The following PPP1R21 variants were observed in gnomAD, a reference collection of about 807,000 sequenced individuals.
PPP1R21 encodes the protein KLRAQ motif containing 1.
Under a neutral mutation model 112.8 loss-of-function variants are expected in PPP1R21, and 85 were observed. The observed-to-expected ratio is 0.75, with a 90% CI of 0.63 to 0.90. The LOEUF (loss-of-function observed/expected upper bound fraction) is 0.90. Ranked by LOEUF, PPP1R21 falls within the 40% of genes least tolerant of loss-of-function variation. PPP1R21 has a pLI of 0.00. For missense variants in PPP1R21, 1,199 were observed against 901.5 expected (o/e 1.33, Z -4.23); for synonymous variants, 381 against 322.3 (o/e 1.18, Z -1.95).
At chr2:48,467,500 G>C (rs1217992134) in intron 9 of PPP1R21, among the ~76,000 whole-genome samples, 1 of 152,206 alleles carries the variant, frequency 6.6e-6, no homozygotes, top group Non-Finnish European at 1.5e-5. Flanking sequence ...TAAGGTTTCA[G>C]TCAGGATGTC....
intron 7 of PPP1R21, among the ~76,000 whole-genome samples, chr2:48,462,859 G>A (rs1572844435): frequency 6.6e-6 from 1 of 152,164 alleles, no homozygotes; most frequent in Non-Finnish European, 1.5e-5. Context: ...GATAGTTTTG[G>A]CGTACTATTG....
At chr2:48,501,890 G>A (rs957010637) in intron 17 of PPP1R21, 4 of 151,774 alleles carry the variant, frequency 2.6e-5, no homozygotes, top group South Asian at 2.1e-4. Flanking sequence ...TGGTAACACT[G>A]GCATATATAT....
chr2:48,503,179 A>G (rs959042783), intron 17 of PPP1R21, among the ~76,000 whole-genome samples: 1 of 152,240 alleles, frequency 6.6e-6, no homozygotes, highest in East Asian at 1.9e-4. Flanking sequence ...TTAAATTAAT[A>G]GAATTTTTAA....
At chr2:48,461,049 C>T in intron 6 of PPP1R21, 89 bp from the exon 7 acceptor site, 2 of 1,489,382 alleles carry the variant, frequency 1.3e-6, no homozygotes, top group Non-Finnish European at 1.8e-6. Context: ...TCTCTGGAAG[C>T]CTACTACCAG....
chr2:48,475,674 C>G (rs1668720700), intron 12 of PPP1R21, among the ~76,000 whole-genome samples: 1 of 152,008 alleles, frequency 6.6e-6, no homozygotes, highest in African/African-American at 2.4e-5. Flanking sequence ...ATGGAGAAAC[C>G]TCATCTCTAC....
chr2:48,487,290 G>A (rs76435603), intron 14 of PPP1R21, among the ~76,000 whole-genome samples: 13,226 of 152,068 alleles, frequency 0.087, 669 homozygotes, highest in Non-Finnish European at 0.11. Flanking sequence ...GTTTTTGTAT[G>A]TTTCTTTTTT....
In PPP1R21 at chr2:48,458,188, G is replaced by A. The variant is rs781729994; in HGVS notation, c.336G>A (p.Leu112=). 3.1e-6 allele frequency: 5 copies of A among 1,611,960 alleles called. No homozygotes were observed. Among genetic ancestry groups the A allele is most frequent in the South Asian group, 1.1e-5 (1 of 90,996 alleles). The part of the protein sequence containing the change: ...QEQKSVFDED[L]QKKIEENERL... ...AGAAGAGTGTCTTTGATGAAGATCTGCAAAAGAAGATAGAAGAGAATGAAC... is the reference window on the plus strand; with the variant it reads ...AGAAGAGTGTCTTTGATGAAGATCTACAAAAGAAGATAGAAGAGAATGAAC... The change falls in exon 4 of 22, where the codon CTG becomes CTA. Residue 112 remains leucine, a synonymous_variant. Transcript: ENST00000294952.
intron 2 of PPP1R21, 91 bp from the exon 3 acceptor site, chr2:48,454,504 T>G: frequency 6.8e-7 from 1 of 1,473,418 alleles, no homozygotes; most frequent in Non-Finnish European, 9.3e-7. Flanking sequence ...AGGTTTTGAT[T>G]ATATTTTGGT....
Position 48,515,248 on chromosome 2 carries a change from T to TCTCTCTCTCTCTCTCTCTCTCTCTC in PPP1R21, c.*506_*507insCTCTCTCTCTCTCTCTCTCTCTCCT, listed in dbSNP as rs1247831452. 1 of 25,096 alleles carries TCTCTCTCTCTCTCTCTCTCTCTCTC rather than the reference T, an allele frequency of 4.0e-5. No individual in the cohort carries two copies. Among genetic ancestry groups the TCTCTCTCTCTCTCTCTCTCTCTCTC allele is most frequent in the Non-Finnish European group, 8.5e-5 (1 of 11,768 alleles). 1.6% of individuals were successfully genotyped at this position (25,096 alleles called of 1,614,324 possible). A position where few individuals can be genotyped will look rare whatever the true frequency, so the allele number is the denominator to read the frequency against. ...TCTCTCTCTCTCTCTCTCTCTCTCT[T>TCTCTCTCTCTCTCTCTCTCTCTCTC]CTTTCTCTCTGAGGGAGAGGGAGCC... On this transcript the variant is annotated 3_prime_UTR_variant, in exon 22 of 22. Coordinates refer to ENST00000294952, the MANE Select transcript of PPP1R21 (RefSeq NM_001135629.3).
chr2:48,458,356 T>C (rs1329237539), intron 4 of PPP1R21, 129 bp downstream of exon 4: 3 of 557,648 alleles, frequency 5.4e-6, no homozygotes, highest in East Asian at 6.2e-5. Flanking sequence ...TCTTCAAGTA[T>C]ATATGTCACT....
Position 48,510,075 on chromosome 2 carries a change from G to C in PPP1R21, c.2146G>C (p.Glu716Gln). The change falls in exon 20 of 22, where the codon GAA (glutamate) becomes CAA (glutamine). Residue 716 changes from glutamate (E) to glutamine (Q), a missense_variant. Physicochemically the swap from Glu to Gln is conservative, Grantham distance 29 (BLOSUM62 2). Coordinates refer to ENST00000294952, the MANE Select transcript of PPP1R21 (RefSeq NM_001135629.3). Reference sequence around the variant, plus strand: ...AAAGTCTAAGGAAGCATTGACAGAAGAAATGAAACTTGCCAGTCAGAACAT... The same window carrying C: ...AAAGTCTAAGGAAGCATTGACAGAACAAATGAAACTTGCCAGTCAGAACAT... ...AEKSKEALTE[E>Q]MKLASQNISR... 6.2e-7 allele frequency: 1 copy of C among 1,614,050 alleles called. No homozygotes were observed. The highest frequency in any genetic ancestry group is 8.5e-7 in the Non-Finnish European group (1 of 1,179,932).
rs1406901083 is a variant in PPP1R21 at position 48,514,898 on chromosome 2, A to G, written c.*154A>G. On this transcript the variant is annotated 3_prime_UTR_variant, in exon 22 of 22. Coordinates refer to ENST00000294952, the MANE Select transcript of PPP1R21 (RefSeq NM_001135629.3). Reference sequence around the variant, plus strand: ...TCAGTGTTGGAAACGGCCTTGAAATATTTAAAACATATTTGTAACCAGTGA... The same window carrying G: ...TCAGTGTTGGAAACGGCCTTGAAATGTTTAAAACATATTTGTAACCAGTGA... 4.6e-6 allele frequency: 3 copies of G among 654,240 alleles called. No individual in the cohort carries two copies. In the African/African-American group the frequency reaches 5.5e-5, roughly 12 times the overall value. The allele number at this position is 654,240 out of a possible 1,614,324, so 40.5% of individuals were successfully genotyped here. A position where few individuals can be genotyped will look rare whatever the true frequency, so the allele number is the denominator to read the frequency against.
At chr2:48,449,593 G>C (rs532642131) in intron 1 of PPP1R21, among the ~76,000 whole-genome samples, 1 of 152,162 alleles carries the variant, frequency 6.6e-6, no homozygotes, top group South Asian at 2.1e-4. Flanking sequence ...CAGAATCTTA[G>C]CTAAATTTTC....
At chr2:48,452,526 A>G (rs953493376) in intron 2 of PPP1R21, among the ~76,000 whole-genome samples, 9 of 149,404 alleles carry the variant, frequency 6.0e-5, no homozygotes, top group Admixed American at 5.3e-4. Context: ...TATTATAATT[A>G]TATAATATAA....
rs376178850 is a variant in PPP1R21 at position 48,471,375 on chromosome 2, C to A, written c.1088+8C>A. 6.9e-6 allele frequency: 11 copies of A among 1,597,538 alleles called. No individual in the cohort carries two copies. The African/African-American group carries it at 1.1e-4, about 16-fold the overall frequency. Reference sequence around the variant, plus strand: ...TCCCTATCAGTTAAAAAGGTAGTTACCCCCGGAGGCCAGGGAACTTGGGGA... The same window carrying A: ...TCCCTATCAGTTAAAAAGGTAGTTAACCCCGGAGGCCAGGGAACTTGGGGA... On this transcript the variant is annotated splice_region_variant and intron_variant, in intron 11 of 21. Transcript: ENST00000294952.
At chr2:48,454,421 T>G (rs1213892344) in intron 2 of PPP1R21, 174 bp from the exon 3 acceptor site, 2 of 694,782 alleles carry the variant, frequency 2.9e-6, no homozygotes, top group Non-Finnish European at 4.8e-6. Flanking sequence ...AGCCAAAAGA[T>G]TATCTTTTCA....
chr2:48,490,389 A>G (rs1183495132), intron 14 of PPP1R21, among the ~76,000 whole-genome samples: 1 of 152,214 alleles, frequency 6.6e-6, no homozygotes, highest in African/African-American at 2.4e-5. Flanking sequence ...ATACAAAACC[A>G]CAGAGGTAGC....
At chr2:48,484,496 G>T (rs1038458755) in intron 13 of PPP1R21, among the ~76,000 whole-genome samples, 6 of 149,004 alleles carry the variant, frequency 4.0e-5, no homozygotes, top group Non-Finnish European at 8.9e-5. Flanking sequence ...AAAATCTTTG[G>T]ACTAAATAAA....
At chr2:48,481,143 C>G (rs1320518896) in intron 13 of PPP1R21, among the ~76,000 whole-genome samples, 1 of 152,162 alleles carries the variant, frequency 6.6e-6, no homozygotes, top group Non-Finnish European at 1.5e-5. Flanking sequence ...TACACACCAC[C>G]ATGCCTGGCT....
Sources: gnomAD v4.1 joint callset for allele counts (sites outside exome capture counted in the v4.1 genomes callset) on GRCh38, gnomAD v4.1.1 for gene constraint, MANE v1.5 for transcripts, NCBI Gene and HGNC (gene_info 2026-07-23, HGNC 2026-07-21) for gene names.